The following FGF13 variants were observed in gnomAD, a reference collection of about 807,000 sequenced individuals.
The protein encoded by FGF13 is fibroblast growth factor homologous factor 2.
FGF13 carries 2 observed loss-of-function variants against 19.5 expected under a neutral mutation model. The observed-to-expected ratio is 0.10, with a 90% confidence interval of 0.04 to 0.32. The LOEUF (loss-of-function observed/expected upper bound fraction) is 0.32, where lower values mean the gene tolerates loss of function less well. FGF13 is among the 10% of genes least tolerant of loss of function. FGF13 has a pLI of 1.00. For missense variants in FGF13, 113 were observed against 192.7 expected (o/e 0.59, Z 2.45); for synonymous variants, 72 against 76.9 (o/e 0.94, Z 0.33).
At chrX:139,156,770 G>T (rs2083980568) in intron 1 of FGF13, among the ~76,000 whole-genome samples, 1 of 112,356 alleles carries the variant, frequency 8.9e-6, no homozygotes, top group South Asian at 3.7e-4. Context: ...CATCTAAGGT[G>T]AGAAAAAGTA....
At chrX:138,660,054 T>C (rs1042664468) in intron 3 of FGF13, among the ~76,000 whole-genome samples, 2 of 111,430 alleles carry the variant, frequency 1.8e-5, no homozygotes, top group Non-Finnish European at 1.9e-5. Context: ...TGCACATGTA[T>C]CCCAGAACTT....
chrX:139,088,540 G>GA (rs142651925), intron 1 of FGF13, among the ~76,000 whole-genome samples: 5,247 of 65,505 alleles, frequency 0.08, 379 homozygotes, highest in African/African-American at 0.25. Flanking sequence ...TTACTTGCAA[G>GA]AAAAAAAAAA....
At chrX:138,729,475 A>T (rs2090211585) in intron 1 of FGF13, among the ~76,000 whole-genome samples, 1 of 110,102 alleles carries the variant, frequency 9.1e-6, no homozygotes, top group African/African-American at 3.3e-5. Context: ...AATGCAACAG[A>T]AAGAAAGAAA....
At chrX:139,034,189 C>G (rs2092242433) in intron 1 of FGF13, among the ~76,000 whole-genome samples, 1 of 111,797 alleles carries the variant, frequency 8.9e-6, no homozygotes, top group African/African-American at 3.2e-5. Context: ...ACAAAACCAG[C>G]GTCCACAGCC....
chrX:139,168,782 T>C, intron 1 of FGF13, among the ~76,000 whole-genome samples: 1 of 112,065 alleles, frequency 8.9e-6, no homozygotes, highest in East Asian at 2.8e-4. Context: ...CAATTTTGTA[T>C]CTGAAATACA....
At chrX:139,006,135 A>C (rs1296592619) in intron 1 of FGF13, among the ~76,000 whole-genome samples, 6 of 111,563 alleles carry the variant, frequency 5.4e-5, no homozygotes, top group Non-Finnish European at 1.1e-4. Flanking sequence ...AAGGCATTTA[A>C]TAATCAGACT....
At chrX:138,827,819 A>G (rs1260956060) in intron 3 of FGF13, among the ~76,000 whole-genome samples, 2 of 112,113 alleles carry the variant, frequency 1.8e-5, no homozygotes, top group African/African-American at 6.5e-5. Context: ...CCCTTTATTG[A>G]TTACTTGCTA....
intron 1 of FGF13, among the ~76,000 whole-genome samples, chrX:138,948,548 T>C (rs977296301): frequency 1.8e-5 from 2 of 112,005 alleles, no homozygotes; most frequent in Non-Finnish European, 3.8e-5. Flanking sequence ...AGTATAAGCA[T>C]GTTCCAGTGT....
chrX:138,984,523 GGAAGAAGAAGAAGAAGAAGAAGAAGAA>G (rs1209275314), intron 1 of FGF13, among the ~76,000 whole-genome samples: 1 of 31,578 alleles, frequency 3.2e-5, no homozygotes, highest in African/African-American at 1.2e-4. Context: ...AAGAAGAAGA[GGAAGAAGAAGAAGAAGAAGAAGAAGAA>G]GAAGAAGAAG....
intron 3 of FGF13, among the ~76,000 whole-genome samples, chrX:138,811,944 CTT>C (rs199549120): frequency 3.9e-5 from 4 of 103,494 alleles, no homozygotes; most frequent in African/African-American, 3.5e-5. Flanking sequence ...CAACCACTTT[CTT>C]TTTTTTTTTT....
intron 1 of FGF13, among the ~76,000 whole-genome samples, chrX:138,917,757 C>T (rs1004222464): frequency 1.8e-5 from 2 of 111,766 alleles, no homozygotes; most frequent in South Asian, 7.6e-4. Flanking sequence ...TTGCTATGAA[C>T]ATATTTTGCT....
chrX:138,664,558 TGAGAGAGAGA>T (rs3831715), intron 3 of FGF13, among the ~76,000 whole-genome samples: 26 of 104,335 alleles, frequency 2.5e-4, no homozygotes, highest in Admixed American at 2.2e-3. Flanking sequence ...TTTGCATGTG[TGAGAGAGAGA>T]GAGAGAGAGA....
At chrX:138,921,214 A>T (rs1260938804) in intron 1 of FGF13, among the ~76,000 whole-genome samples, 1 of 111,326 alleles carries the variant, frequency 9.0e-6, no homozygotes, top group African/African-American at 3.3e-5. Flanking sequence ...TGAGCATGAC[A>T]TTTTTTTCAC....
At position 138,844,628 on chromosome X, in the gene FGF13, C is replaced by T. The variant is rs138498682; in HGVS notation, c.217+12884G>A. The stretch of plus-strand genomic sequence containing the variant: ...CGCATTCAGCTCTACTGATCCATTC[C>T]TCCTTCCTGAAGCCGAGTCCTTCCT... On this transcript the variant is annotated intron_variant, in intron 3 of 6. Coordinates refer to the FGF13 transcript ENST00000436198. Among the ~76,000 whole-genome samples, 235 of 112,046 alleles carry T rather than the reference C, an allele frequency of 2.1e-3. 1 individual carries two copies. Among genetic ancestry groups the T allele is most frequent in the African/African-American group, 7.4e-3 (230 of 30,915 alleles).
At chrX:138,725,492 G>A (rs537941873) in intron 1 of FGF13, among the ~76,000 whole-genome samples, 2 of 111,326 alleles carry the variant, frequency 1.8e-5, no homozygotes, top group Admixed American at 9.6e-5. Context: ...AAGTCAAAAT[G>A]GGTCAAGAAC....
At chrX:138,810,520 G>T (rs149232699) in intron 3 of FGF13, among the ~76,000 whole-genome samples, 2,557 of 111,663 alleles carry the variant, frequency 0.023, 80 homozygotes, top group African/African-American at 0.08. Context: ...ATACCATTCA[G>T]GACATAGGGA....
intron 3 of FGF13, among the ~76,000 whole-genome samples, chrX:138,812,713 G>A: frequency 9.0e-6 from 1 of 111,092 alleles, no homozygotes. Context: ...AAATTTTTTG[G>A]ATTTTAAAAA....
At chrX:138,921,405 T>G (rs894068462) in intron 1 of FGF13, among the ~76,000 whole-genome samples, 13 of 112,082 alleles carry the variant, frequency 1.2e-4, no homozygotes, top group African/African-American at 4.2e-4. Context: ...TATTTGCATA[T>G]TTATTATTTC....
intron 3 of FGF13, among the ~76,000 whole-genome samples, chrX:138,638,612 C>T (rs890931832): frequency 3.0e-4 from 33 of 111,798 alleles, no homozygotes; most frequent in Non-Finnish European, 4.5e-4. Context: ...AAAAATGACA[C>T]GTTAGCACAT....
Sources: gnomAD v4.1 joint callset for allele counts (sites outside exome capture counted in the v4.1 genomes callset) on GRCh38, gnomAD v4.1.1 for gene constraint, MANE v1.5 for transcripts, NCBI Gene and HGNC (gene_info 2026-07-23, HGNC 2026-07-21) for gene names.